VPS16: variants seen among roughly 807,000 people sequenced by gnomAD.
VPS16 encodes the protein vacuolar protein sorting-associated protein 16 homolog.
A neutral mutation model predicts 116.0 loss-of-function variants in VPS16; 82 were observed. The observed-to-expected ratio is 0.71, with a 90% CI of 0.59 to 0.85. The LOEUF (loss-of-function observed/expected upper bound fraction) is 0.85, where lower values mean the gene tolerates loss of function less well. VPS16 is among the 40% of genes least tolerant of loss of function. The pLI, the probability that VPS16 is intolerant of heterozygous loss-of-function variation, is 0.00. For synonymous variants in VPS16, 406 were observed against 420.7 expected, an observed-to-expected ratio of 0.96 and a Z score of 0.43; for missense variants, 928 against 1,090.6, an observed-to-expected ratio of 0.85 and a Z score of 2.10.
At chr20:2,848,161 C>T (rs1299337119) in intron 1 of VPS16, among the ~76,000 whole-genome samples, 1 of 152,216 alleles carries the variant, frequency 6.6e-6, no homozygotes, top group Non-Finnish European at 1.5e-5. Context: ...GCACCAAACC[C>T]AACTGGGGTC....
chr20:2,845,256 G>C (rs899371786), intron 1 of VPS16, among the ~76,000 whole-genome samples: 6 of 152,130 alleles, frequency 3.9e-5, no homozygotes, highest in South Asian at 4.1e-4. Flanking sequence ...CACTTGGTGG[G>C]GAGGAAGGAG....
chr20:2,851,052 A>G (rs1185077487), intron 1 of VPS16, among the ~76,000 whole-genome samples: 1 of 152,136 alleles, frequency 6.6e-6, no homozygotes, highest in Non-Finnish European at 1.5e-5. Flanking sequence ...CCAAGGAATG[A>G]CAAACTTGGA....
intron 1 of VPS16, among the ~76,000 whole-genome samples, chr20:2,842,207 TAGG>T (rs1239064523): frequency 2.0e-5 from 3 of 152,120 alleles, no homozygotes; most frequent in Non-Finnish European, 4.4e-5. Flanking sequence ...GAGGCTGAGT[TAGG>T]AGGATCACTG....
Position 2,863,478 on chromosome 20 carries a change from C to T in VPS16, c.1476+80C>T. The T allele has an allele frequency of 7.0e-7, 1 of 1,419,024 alleles. No individual in the cohort carries two copies. The highest frequency in any genetic ancestry group is 9.9e-7 in the Non-Finnish European group (1 of 1,012,954). 87.9% of individuals were successfully genotyped at this position (1,419,024 alleles called of 1,614,324 possible). A position where few individuals can be genotyped will look rare whatever the true frequency, so the allele number is the denominator to read the frequency against. ...GGTGGAGGAAATAGAAAGTGTAGAA[C>T]TGCGCTGGGCACGGTGGCTCATGCC... On this transcript the variant is annotated intron_variant, in intron 15 of 23. Coordinates refer to ENST00000380445, the MANE Select transcript of VPS16 (RefSeq NM_022575.4). This position sits in a 1 kb window ranked among gnomAD's most constrained non-coding sequence, Gnocchi z 4.4.
intron 1 of VPS16, among the ~76,000 whole-genome samples, chr20:2,843,155 C>G (rs998548586): frequency 6.6e-6 from 1 of 151,622 alleles, no homozygotes; most frequent in South Asian, 2.1e-4. Flanking sequence ...TGCAATTGGC[C>G]GAGCGTGGTG....
At chr20:2,858,481 A>G (rs557269746) in intron 1 of VPS16, among the ~76,000 whole-genome samples, 2 of 152,214 alleles carry the variant, frequency 1.3e-5, no homozygotes, top group South Asian at 4.1e-4. Context: ...AAATATAAAC[A>G]TCTCTTTATT....
At chr20:2,847,680 T>C (rs2089074857) in intron 1 of VPS16, among the ~76,000 whole-genome samples, 2 of 152,088 alleles carry the variant, frequency 1.3e-5, no homozygotes, top group African/African-American at 4.8e-5. Context: ...GGTTTCACCA[T>C]GTTGGTAAGG....
Position 2,864,312 on chromosome 20 carries a change from T to G in VPS16, c.1720+25T>G. 6.2e-7 allele frequency: 1 copy of G among 1,613,988 alleles called. No homozygotes were observed. The stretch of plus-strand genomic sequence containing the variant: ...GGTGAGGGCAAGGCTGGGGGGCCCC[T>G]GGGCTAAGTGGGAGCCTGGCTGGAA... On this transcript the variant is annotated intron_variant, in intron 17 of 23. Coordinates refer to ENST00000380445, the MANE Select transcript of VPS16 (RefSeq NM_022575.4). This position sits in a 1 kb window ranked among gnomAD's most constrained non-coding sequence, Gnocchi z 5.2.
Position 2,860,533 on chromosome 20 carries a change from C to T in VPS16, c.454C>T (p.Arg152Cys), listed in dbSNP as rs200409049. 1.7e-5 allele frequency: 28 copies of T among 1,613,850 alleles called. No homozygotes were observed. Among genetic ancestry groups the T allele is most frequent in the Middle Eastern group, 3.3e-4 (2 of 6,082 alleles). Residue 152 changes from arginine (R) to cysteine (C), a missense_variant, in exon 5 of 24, where the codon CGC becomes TGC. Transcript: ENST00000380445. This position sits in a 1 kb window ranked among gnomAD's most constrained non-coding sequence, Gnocchi z 6.1. ...SGVAILTGAH[R>C]FTLSANVGDL... Reference sequence around the variant, plus strand: ...AGTGGCCATCCTCACAGGGGCCCACCGCTTCACCCTCAGTGCCAATGTGGG... The same window carrying T: ...AGTGGCCATCCTCACAGGGGCCCACTGCTTCACCCTCAGTGCCAATGTGGG...
In VPS16 at chr20:2,854,960, A is replaced by ATTTTTTTTT. The variant is rs547295825; in HGVS notation, c.54-4749_54-4741dup. On this transcript the variant is annotated intron_variant, in intron 1 of 23. Transcript: ENST00000380445. ...CCAGATACGTTGTCAATGAGCAGTA[A>ATTTTTTTTT]TTTTTTTTTTTTTTTTTTGAGATGG... Among the ~76,000 whole-genome samples, 68 of 110,122 alleles carry ATTTTTTTTT rather than the reference A, an allele frequency of 6.2e-4. 3 individuals are homozygous for ATTTTTTTTT. The highest frequency in any genetic ancestry group is 1.4e-3 in the African/African-American group (35 of 25,704). The allele number at this position is 110,122 out of a possible 152,430, so 72.2% of individuals were successfully genotyped here.
In VPS16 at chr20:2,864,996, G is replaced by C; in HGVS notation, c.1945G>C (p.Ala649Pro). 4 of 1,614,172 alleles carry C rather than the reference G, an allele frequency of 2.5e-6. No individual in the cohort carries two copies. Among genetic ancestry groups the C allele is most frequent in the Non-Finnish European group, 3.4e-6 (4 of 1,180,010 alleles). The change falls in exon 20 of 24, where the codon GCA (alanine) becomes CCA (proline). Residue 649 changes from alanine to proline, a missense_variant. Ala to Pro is a conservative substitution (Grantham distance 27, BLOSUM62 -1). Transcript: ENST00000380445. The surrounding 1 kb of genome is among the most constrained non-coding windows in gnomAD (Gnocchi z 5.2). ...TTTATAGCGTATTGAGGGGCGAGTA[G>C]CAGCTCTGCAGACAGCCGCCGATGC... ...AAEERIEGRV[A>P]ALQTAADAFY...
chr20:2,844,318 A>C (rs1481532920), intron 1 of VPS16, among the ~76,000 whole-genome samples: 1 of 152,236 alleles, frequency 6.6e-6, no homozygotes, highest in East Asian at 1.9e-4. Flanking sequence ...ATTACATTTC[A>C]AGTCCTATCT....
intron 1 of VPS16, among the ~76,000 whole-genome samples, chr20:2,842,134 T>G (rs1436006179): frequency 1.3e-5 from 2 of 152,026 alleles, no homozygotes; most frequent in African/African-American, 4.8e-5. Flanking sequence ...CCCATTAAAG[T>G]TTTTTAAAAA....
rs750670235 is a variant in VPS16 at position 2,862,900 on chromosome 20, G to A, written c.1297G>A (p.Asp433Asn). ...QDLRVLNAVR[D>N]YHIGIPLTYS... is the part of the protein sequence containing the mutation. The stretch of plus-strand genomic sequence containing the variant: ...CCTGCGTGTGCTCAATGCTGTTCGG[G>A]ACTATCACATCGGGATCCCGCTCAC... Residue 433 changes from aspartate (D) to asparagine (N), a missense_variant, in exon 13 of 24, where the codon GAC (aspartate) becomes AAC (asparagine). By Grantham distance (23) the Asp-to-Asn change is conservative. Transcript: ENST00000380445. The A allele has an allele frequency of 1.9e-6, 3 of 1,613,964 alleles. No homozygotes were observed. The African/African-American group carries it at 4.0e-5, about 22-fold the overall frequency.
Position 2,865,528 on chromosome 20 carries a change from A to G in VPS16, c.2271+33A>G, listed in dbSNP as rs751885566. The G allele has an allele frequency of 6.3e-6, 10 of 1,596,814 alleles. No homozygotes were observed. Among genetic ancestry groups the G allele is most frequent in the Non-Finnish European group, 7.7e-6 (9 of 1,167,812 alleles). On this transcript the variant is annotated intron_variant, in intron 22 of 23. Coordinates refer to ENST00000380445, the MANE Select transcript of VPS16 (RefSeq NM_022575.4). The surrounding 1 kb of genome is among the most constrained non-coding windows in gnomAD (Gnocchi z 5.2). ...AGGGTCCTCCCTCCAGCCCACTTCCAGTGAGGGTAGTCTTCGGGAGAGAGG... is the reference window on the plus strand; with the variant it reads ...AGGGTCCTCCCTCCAGCCCACTTCCGGTGAGGGTAGTCTTCGGGAGAGAGG...
rs1021740357 is a variant in VPS16, at chr20:2,866,218, G to A, written c.2278G>A (p.Val760Met). 1.2e-6 allele frequency: 2 copies of A among 1,614,138 alleles called. No individual in the cohort carries two copies. Among genetic ancestry groups the A allele is most frequent in the South Asian group, 1.1e-5 (1 of 91,076 alleles). ...CCGCTTCCTCTCCTCCAAGCCTTTT[G>A]TGGAGATCTGCATGAAACAACATAA... Reference protein sequence around the residue: ...KKSPIGYLPFVEICMKQHNKY... With the variant: ...KKSPIGYLPFMEICMKQHNKY... Residue 760 changes from valine to methionine, a missense_variant, in exon 23 of 24, where the codon GTG becomes ATG. Transcript: ENST00000380445.
chr20:2,863,029 A>G lies in VPS16; in HGVS notation c.1332-36A>G. 1 of 1,614,122 alleles carries G rather than the reference A, an allele frequency of 6.2e-7. No individual in the cohort carries two copies. Among genetic ancestry groups the G allele is most frequent in the Non-Finnish European group, 8.5e-7 (1 of 1,180,018 alleles). ...TGCAGGTACCTGGCAAGCGGGGCTT[A>G]TTCTCCAACTGGATCCTTAACCGAG... On this transcript the variant is annotated intron_variant, in intron 13 of 23. Coordinates refer to ENST00000380445, the MANE Select transcript of VPS16 (RefSeq NM_022575.4). This position sits in a 1 kb window ranked among gnomAD's most constrained non-coding sequence, Gnocchi z 4.4.
chr20:2,857,226 C>G (rs2089180458), intron 1 of VPS16, among the ~76,000 whole-genome samples: 1 of 152,178 alleles, frequency 6.6e-6, no homozygotes, highest in Admixed American at 6.5e-5. Context: ...ATCTTCCCAC[C>G]TTGGCCTCCG....
chr20:2,849,338 T>C (rs1292768954), intron 1 of VPS16, among the ~76,000 whole-genome samples: 1 of 151,162 alleles, frequency 6.6e-6, no homozygotes, highest in Non-Finnish European at 1.5e-5. Context: ...TTTGCTCTTA[T>C]TGTCCAGACT....
Sources: allele counts gnomAD v4.1 joint callset (sites outside exome capture counted in the v4.1 genomes callset), GRCh38; gene constraint gnomAD v4.1.1; non-coding constraint Gnocchi (gnomAD v3.1); transcripts MANE v1.5; gene names NCBI Gene and HGNC (gene_info 2026-07-23, HGNC 2026-07-21).